LRRC71: variants seen among roughly 807,000 people sequenced by gnomAD.
LRRC71 encodes the protein leucine rich repeat containing 71, also known as leucine-rich repeat-containing protein 71.
In LRRC71, 54 loss-of-function variants were observed where a neutral mutation model predicts 66.6. The ratio of observed to expected loss-of-function variants is 0.81; its 90% confidence interval spans 0.65 to 1.02. The LOEUF (loss-of-function observed/expected upper bound fraction) is 1.02, where lower values mean the gene tolerates loss of function less well. Ranked by LOEUF, LRRC71 falls within the 50% of genes least tolerant of loss-of-function variation. LRRC71 has a pLI of 0.00. For missense variants in LRRC71, 724 were observed against 718.0 expected (o/e 1.01, Z -0.10); for synonymous variants, 323 against 303.9 (o/e 1.06, Z -0.65).
chr1:156,940,114 C>G, the LRRC71 span: 3 of 1,450,852 alleles, frequency 2.1e-6, no homozygotes, highest in Non-Finnish European at 2.8e-6. Context: ...CAGGAAGAGC[C>G]TTCGGGAAGG....
chr1:156,930,102 T>TCTTTCTTTCTCTC (rs2101650677), intron 11 of LRRC71, among the ~76,000 whole-genome samples: 1 of 98,858 alleles, frequency 1.0e-5, no homozygotes. Context: ...TCTCTCTCTT[T>TCTTTCTTTCTCTC]TTTTTTTTTT....
chr1:156,924,040 G>GCCCCC lies in LRRC71; in HGVS notation c.256_257insCCCCC (p.Arg86ProfsTer20). On this transcript the variant is annotated frameshift_variant, in exon 2 of 15. Coordinates refer to ENST00000337428, the MANE Select transcript of LRRC71 (RefSeq NM_144702.3). LOFTEE classifies it high-confidence loss of function. ...CGGACTTCCCCAAAGTTGTCAACCG[G>GCCCCC]CCCCGCCCCCACCCGCCCTTCGTCC... 1 of 1,546,562 alleles carries GCCCCC rather than the reference G, an allele frequency of 6.5e-7. No individual in the cohort carries two copies. Among genetic ancestry groups the GCCCCC allele is most frequent in the Non-Finnish European group, 8.7e-7 (1 of 1,144,334 alleles).
In LRRC71 at chr1:156,927,606, A is replaced by C. The variant is rs377739008; in HGVS notation, c.773A>C (p.Asn258Thr). 1 of 1,602,144 alleles carries C rather than the reference A, an allele frequency of 6.2e-7. No individual in the cohort carries two copies. The change falls in exon 7 of 15, where the codon AAC becomes ACC. Residue 258 changes from asparagine to threonine, a missense_variant. Asn to Thr is a moderately conservative substitution (Grantham distance 65). Coordinates refer to ENST00000337428, the MANE Select transcript of LRRC71 (RefSeq NM_144702.3). ...HSCNRTLVSL[N>T]LGFNHIGDEG... is the part of the protein sequence containing the mutation. ...TGCAACCGGACCCTCGTCTCGCTCA[A>C]CCTGGGTTTCAACCACATCGGTGAC...
the LRRC71 span, chr1:156,938,447 G>C: frequency 1.2e-6 from 2 of 1,613,752 alleles, no homozygotes; most frequent in African/African-American, 2.7e-5. Flanking sequence ...TTCCACTTCA[G>C]GTGGCCCAGG....
intron 1 of LRRC71, chr1:156,921,506 C>T (rs946528081): frequency 8.2e-5 from 30 of 364,892 alleles, no homozygotes; most frequent in East Asian, 1.6e-4. Context: ...TTCGTCATCA[C>T]GGGGACAAGA....
At chr1:156,938,614 G>A in the LRRC71 span, 4 of 1,095,832 alleles carry the variant, frequency 3.7e-6, no homozygotes, top group Non-Finnish European at 5.4e-6. Context: ...GTGGGGACAG[G>A]GGGAGGAGAA....
Position 156,924,564 on chromosome 1 carries a change from T to TGCCCC in LRRC71, c.439+12_439+13insGCCCC. On this transcript the variant is annotated intron_variant, in intron 3 of 14. Coordinates refer to ENST00000337428, the MANE Select transcript of LRRC71 (RefSeq NM_144702.3). ...AATCTACATCCGCGGTGAGCCCCGC[T>TGCCCC]CCCCCCACCCGCCCCAGCTCCCTCC... 2.0e-6 allele frequency: 3 copies of TGCCCC among 1,531,722 alleles called. No homozygotes were observed. The highest frequency in any genetic ancestry group is 2.7e-6 in the Non-Finnish European group (3 of 1,131,862). The allele number at this position is 1,531,722 out of a possible 1,614,324, so 94.9% of individuals were successfully genotyped here.
chr1:156,940,571 C>G, the LRRC71 span: 1 of 643,652 alleles, frequency 1.6e-6, no homozygotes, highest in Non-Finnish European at 2.5e-6. Flanking sequence ...CCAGCACTGT[C>G]CCAGGCTCTT....
rs776833219 is a variant in LRRC71 at position 156,927,911 on chromosome 1, T to A, written c.907-4T>A. 4 of 1,611,376 alleles carry A rather than the reference T, an allele frequency of 2.5e-6. No homozygotes were observed. The highest frequency in any genetic ancestry group is 3.4e-6 in the Non-Finnish European group (4 of 1,178,968). On this transcript the variant is annotated splice_region_variant and splice_polypyrimidine_tract_variant and intron_variant, in intron 8 of 14. Transcript: ENST00000337428. ...TCCGACCGCTGAGCGCCCGCCTCCTTCAGGTCCTGCGCGCCTTCGAGCTGA... is the reference window on the plus strand; with the variant it reads ...TCCGACCGCTGAGCGCCCGCCTCCTACAGGTCCTGCGCGCCTTCGAGCTGA...
intron 9 of LRRC71, among the ~76,000 whole-genome samples, chr1:156,928,455 CTT>C (rs1653710173): frequency 7.0e-6 from 1 of 143,284 alleles, no homozygotes; most frequent in African/African-American, 2.7e-5. Context: ...TCCTCCTCTT[CTT>C]CTCCTTCTTC....
downstream of LRRC71, among the ~76,000 whole-genome samples, chr1:156,933,881 C>T (rs1269569414): frequency 6.6e-6 from 1 of 152,222 alleles, no homozygotes; most frequent in Admixed American, 6.5e-5. Context: ...CCTCATCCCA[C>T]TGCCTCTGCC....
At chr1:156,937,730 C>T (rs528995545), downstream of LRRC71, among the ~76,000 whole-genome samples, 5 of 152,256 alleles carry the variant, frequency 3.3e-5, no homozygotes, top group South Asian at 2.1e-4. Context: ...AGATGCTGAG[C>T]GATGAACTCA....
At chr1:156,939,866 G>C in the LRRC71 span, 1 of 1,610,464 alleles carries the variant, frequency 6.2e-7, no homozygotes, top group Non-Finnish European at 8.5e-7. Flanking sequence ...TCCATGGTGT[G>C]ACCTGGCAGC....
At chr1:156,931,092 C>T (rs935942683) in intron 12 of LRRC71, among the ~76,000 whole-genome samples, 9 of 152,148 alleles carry the variant, frequency 5.9e-5, no homozygotes, top group African/African-American at 2.2e-4. Context: ...TTCTTCAGAC[C>T]CTCTCTCTTT....
the LRRC71 span, chr1:156,938,483 G>A: frequency 6.2e-7 from 1 of 1,613,654 alleles, no homozygotes. Flanking sequence ...CTCTGGTAGT[G>A]CAGGGACAAC....
At chr1:156,936,501 T>A (rs867506133), downstream of LRRC71, among the ~76,000 whole-genome samples, 663 of 102,376 alleles carry the variant, frequency 6.5e-3, 8 homozygotes, top group African/African-American at 0.024. Context: ...AAAAAAAATA[T>A]ATATATATAT....
rs186875066 is a variant in LRRC71, at chr1:156,925,214, A to G, written c.593+199A>G. On this transcript the variant is annotated intron_variant, in intron 5 of 14. Coordinates refer to ENST00000337428, the MANE Select transcript of LRRC71 (RefSeq NM_144702.3). ...AAGCCAGGTCCGCTTTTCTGCCCACACCAGCACCCAAAGAGCCTGATCTTC... is the reference window on the plus strand; with the variant it reads ...AAGCCAGGTCCGCTTTTCTGCCCACGCCAGCACCCAAAGAGCCTGATCTTC... 2.6e-5 allele frequency among the ~76,000 whole-genome samples: 4 copies of G among 152,272 alleles called. No homozygotes were observed. The East Asian group carries it at 7.7e-4, about 29-fold the overall frequency.
chr1:156,936,093 G>A, downstream of LRRC71: 1 of 1,604,386 alleles, frequency 6.2e-7, no homozygotes, highest in Non-Finnish European at 8.5e-7. Flanking sequence ...GAACTGGCCA[G>A]CCTGAGGTGA....
chr1:156,932,691 C>A, intron 14 of LRRC71, 146 bp downstream of exon 14: 1 of 1,566,790 alleles, frequency 6.4e-7, no homozygotes, highest in Non-Finnish European at 8.8e-7. Context: ...CACAACATAA[C>A]CTCCATTCCT....
Sources: allele counts gnomAD v4.1 joint callset (sites outside exome capture counted in the v4.1 genomes callset), GRCh38; gene constraint gnomAD v4.1.1; transcripts MANE v1.5; gene names NCBI Gene and HGNC (gene_info 2026-07-23, HGNC 2026-07-21).